MEGF11: variants seen among roughly 807,000 people sequenced by gnomAD.
MEGF11 encodes multiple epidermal growth factor-like domains protein 11.
MEGF11 carries 126 observed loss-of-function variants against 146.6 expected under a neutral mutation model. That is an observed-to-expected ratio of 0.86 (90% CI 0.74 to 1.00). The LOEUF (loss-of-function observed/expected upper bound fraction) is 1.00, where lower values mean the gene tolerates loss of function less well. MEGF11 is among the 50% of genes least tolerant of loss of function. The pLI is 0.00. For missense variants in MEGF11, 1,509 were observed against 1,521.2 expected, an observed-to-expected ratio of 0.99 and a Z score of 0.13; for synonymous variants, 532 against 583.4, an observed-to-expected ratio of 0.91 and a Z score of 1.27.
chr15:66,034,796 T>C (rs1239141418), intron 5 of MEGF11, among the ~76,000 whole-genome samples: 1 of 152,240 alleles, frequency 6.6e-6, no homozygotes, highest in Non-Finnish European at 1.5e-5. Context: ...AATGGATTAA[T>C]GAGTGTTCTG....
intron 13 of MEGF11, among the ~76,000 whole-genome samples, chr15:65,924,044 T>A (rs2079273314): frequency 6.6e-6 from 1 of 151,710 alleles, no homozygotes; most frequent in Non-Finnish European, 1.5e-5. Flanking sequence ...ATAAGGACAG[T>A]GATTGTGGGA....
At chr15:65,909,674 T>A (rs1226026200) in intron 22 of MEGF11, 66 bp downstream of exon 22, 2 of 1,461,070 alleles carry the variant, frequency 1.4e-6, no homozygotes, top group Admixed American at 3.9e-5. Flanking sequence ...AGCTGGGTGC[T>A]TCTCAATATG....
intron 13 of MEGF11, 101 bp from the exon 14 acceptor site, chr15:65,923,070 G>C: frequency 7.9e-7 from 1 of 1,268,666 alleles, no homozygotes; most frequent in Non-Finnish European, 1.1e-6. Context: ...GTGGAGGCAA[G>C]CATAGTGCAT....
rs146598049 is a variant in MEGF11, at chr15:66,155,846, C to T, written c.-8-27435G>A. Among the ~76,000 whole-genome samples the T allele has an allele frequency of 3.3e-4, 51 of 152,336 alleles. No homozygotes were observed. The Middle Eastern group carries it at 0.01, about 30-fold the overall frequency. ...CACTGCTGCAGCCCGCTCCTGGCCA[C>T]GCCAGCTATCACCTGGATTAGAGTA... On this transcript the variant is annotated intron_variant, in intron 1 of 25. Transcript: ENST00000395614.
intron 1 of MEGF11, among the ~76,000 whole-genome samples, chr15:66,151,359 C>T (rs963584981): frequency 2.0e-5 from 3 of 152,080 alleles, no homozygotes; most frequent in Non-Finnish European, 2.9e-5. Flanking sequence ...TGAGCCACCT[C>T]GGGGGGAATT....
At chr15:65,908,706 C>T (rs117129385) in intron 23 of MEGF11, among the ~76,000 whole-genome samples, 240 of 152,336 alleles carry the variant, frequency 1.6e-3, no homozygotes, top group Non-Finnish European at 2.4e-3. Flanking sequence ...CCAAAGATGT[C>T]GCCATCCCCA....
At chr15:66,028,293 C>G (rs2083404462) in intron 5 of MEGF11, among the ~76,000 whole-genome samples, 1 of 152,218 alleles carries the variant, frequency 6.6e-6, no homozygotes, top group African/African-American at 2.4e-5. Flanking sequence ...CAGAAAATGT[C>G]TGTCCTTGTT....
intron 1 of MEGF11, among the ~76,000 whole-genome samples, chr15:66,224,525 A>T (rs2091806278): frequency 6.6e-6 from 1 of 151,362 alleles, no homozygotes; most frequent in Non-Finnish European, 1.5e-5. Flanking sequence ...CGGAGTTTGC[A>T]GTGAGCCAAG....
chr15:66,237,498 G>A (rs1187410032), intron 1 of MEGF11, among the ~76,000 whole-genome samples: 3 of 152,166 alleles, frequency 2.0e-5, no homozygotes, highest in African/African-American at 7.2e-5. Context: ...CGTTTTAAGG[G>A]GTAAGAAATG....
intron 4 of MEGF11, among the ~76,000 whole-genome samples, chr15:66,096,294 G>T (rs1056778782): frequency 2.6e-5 from 4 of 152,238 alleles, no homozygotes; most frequent in Non-Finnish European, 4.4e-5. Flanking sequence ...TCTGCCGAGG[G>T]CGGTGAAATC....
intron 10 of MEGF11, among the ~76,000 whole-genome samples, chr15:65,952,814 A>G (rs1038723134): frequency 6.6e-6 from 1 of 152,244 alleles, no homozygotes; most frequent in African/African-American, 2.4e-5. Context: ...TTTCTGGTCC[A>G]GGGCTCTTTG....
chr15:66,011,328 T>C (rs918329121), intron 5 of MEGF11, among the ~76,000 whole-genome samples: 9 of 152,160 alleles, frequency 5.9e-5, no homozygotes, highest in Admixed American at 4.6e-4. Flanking sequence ...GCTCCCTTCC[T>C]GGGTAAGCCA....
At chr15:65,911,546 G>A (rs2078807878) in intron 21 of MEGF11, among the ~76,000 whole-genome samples, 1 of 152,160 alleles carries the variant, frequency 6.6e-6, no homozygotes, top group Admixed American at 6.5e-5. Flanking sequence ...CAAGTAGCTG[G>A]GACTACAGGC....
intron 5 of MEGF11, among the ~76,000 whole-genome samples, chr15:66,043,128 C>T (rs1257576105): frequency 6.6e-6 from 1 of 152,214 alleles, no homozygotes. Flanking sequence ...TAGAGCTTTC[C>T]TTGTCTTCAC....
intron 10 of MEGF11, among the ~76,000 whole-genome samples, chr15:65,932,631 T>G (rs2079619310): frequency 2.0e-5 from 3 of 149,530 alleles, no homozygotes; most frequent in Admixed American, 6.7e-5. Context: ...AAGGGAGGAG[T>G]GAAGGAGATA....
intron 1 of MEGF11, among the ~76,000 whole-genome samples, chr15:66,134,008 T>A (rs2088775841): frequency 6.6e-6 from 1 of 152,128 alleles, no homozygotes; most frequent in Admixed American, 6.5e-5. Context: ...TTCTGCTTTC[T>A]CCTTGCCTGG....
At chr15:65,944,299 T>C (rs966146116) in intron 10 of MEGF11, among the ~76,000 whole-genome samples, 11 of 152,072 alleles carry the variant, frequency 7.2e-5, no homozygotes, top group Non-Finnish European at 1.6e-4. Flanking sequence ...CTCTGTCCCA[T>C]AGGGAAGACA....
chr15:66,142,656 G>C (rs2089211586), intron 1 of MEGF11, among the ~76,000 whole-genome samples: 1 of 152,210 alleles, frequency 6.6e-6, no homozygotes, highest in Non-Finnish European at 1.5e-5. Context: ...AGGACGGCCT[G>C]AGCTGAGCCC....
chr15:66,068,481 C>T (rs1016218332), intron 5 of MEGF11, among the ~76,000 whole-genome samples: 1 of 152,160 alleles, frequency 6.6e-6, no homozygotes, highest in African/African-American at 2.4e-5. Flanking sequence ...CATTAAAAAC[C>T]ATTGATCTAG....
Sources: allele counts gnomAD v4.1 joint callset (sites outside exome capture counted in the v4.1 genomes callset), GRCh38; gene constraint gnomAD v4.1.1; transcripts MANE v1.5; gene names NCBI Gene and HGNC (gene_info 2026-07-23, HGNC 2026-07-21).